DMD: variants seen among roughly 807,000 people sequenced by gnomAD.
The protein encoded by DMD is mutant dystrophin.
A neutral mutation model predicts 330.1 loss-of-function variants in DMD; 63 were observed. That is an observed-to-expected ratio of 0.19 (90% CI 0.16 to 0.24). The LOEUF is 0.24. DMD is among the 10% of genes least tolerant of loss of function. The pLI, the probability that DMD is intolerant of heterozygous loss-of-function variation, is 1.00. For missense variants in DMD, 3,344 were observed against 2,684.1 expected, an observed-to-expected ratio of 1.25 and a Z score of -5.43; for synonymous variants, 1,223 against 959.8, an observed-to-expected ratio of 1.27 and a Z score of -5.07.
chrX:32,584,967 A>T (rs1368555986), intron 13 of DMD, among the ~76,000 whole-genome samples: 1 of 111,990 alleles, frequency 8.9e-6, no homozygotes, highest in Non-Finnish European at 1.9e-5. Context: ...ATCAACAGAT[A>T]AACAGATAAC....
chrX:31,176,384 A>G (rs2040501690), intron 71 of DMD, among the ~76,000 whole-genome samples: 1 of 111,875 alleles, frequency 8.9e-6, no homozygotes, highest in Admixed American at 9.5e-5. Flanking sequence ...TCTACTTAAA[A>G]TAAGTTAATC....
intron 7 of DMD, among the ~76,000 whole-genome samples, chrX:32,731,165 A>C (rs557057651): frequency 2.7e-5 from 3 of 112,169 alleles, no homozygotes; most frequent in Non-Finnish European, 5.6e-5. Context: ...GCACCTGGAA[A>C]ATCGGGTCAC....
intron 11 of DMD, among the ~76,000 whole-genome samples, chrX:32,629,408 A>G (rs1602314069): frequency 9.0e-6 from 1 of 111,216 alleles, no homozygotes; most frequent in African/African-American, 3.3e-5. Context: ...CTTTATCTTT[A>G]TTGGTCAAGT....
intron 54 of DMD, among the ~76,000 whole-genome samples, chrX:31,628,942 A>ATATG (rs1556765554): frequency 1.9e-5 from 2 of 104,117 alleles, no homozygotes; most frequent in East Asian, 6.1e-4. Context: ...ATATATATAT[A>ATATG]AAATGCATGT....
At chrX:33,186,851 T>G (rs2050285676) in intron 1 of DMD, among the ~76,000 whole-genome samples, 1 of 111,525 alleles carries the variant, frequency 9.0e-6, no homozygotes, top group East Asian at 2.8e-4. Context: ...ATAATGCCAA[T>G]TAAATGTTTT....
chrX:31,509,301 T>A (rs2071254504), intron 55 of DMD, among the ~76,000 whole-genome samples: 1 of 111,973 alleles, frequency 8.9e-6, no homozygotes, highest in Non-Finnish European at 1.9e-5. Context: ...AATTTGCACT[T>A]CTTCAGCAAA....
chrX:32,513,646 G>C (rs969318849), intron 18 of DMD, among the ~76,000 whole-genome samples: 27 of 111,581 alleles, frequency 2.4e-4, no homozygotes, highest in African/African-American at 8.8e-4. Context: ...AAGGAGGTCT[G>C]GGGAAATAAT....
chrX:31,705,312 C>T (rs1603449755), intron 52 of DMD, among the ~76,000 whole-genome samples: 1 of 112,818 alleles, frequency 8.9e-6, no homozygotes, highest in Non-Finnish European at 1.9e-5. Flanking sequence ...AGGACTTTGC[C>T]CAAGTTCTTC....
chrX:32,792,444 G>A (rs998235763), intron 7 of DMD, among the ~76,000 whole-genome samples: 1 of 111,708 alleles, frequency 9.0e-6, no homozygotes, highest in African/African-American at 3.3e-5. Context: ...TCAATAAAAT[G>A]AAAGAAATAA....
At chrX:32,703,526 A>G (rs1404347100) in intron 7 of DMD, among the ~76,000 whole-genome samples, 3 of 111,827 alleles carry the variant, frequency 2.7e-5, no homozygotes, top group Non-Finnish European at 5.6e-5. Flanking sequence ...GTGCTATAGA[A>G]TATACTTAGA....
intron 1 of DMD, among the ~76,000 whole-genome samples, chrX:33,190,106 G>A (rs1413298884): frequency 9.0e-6 from 1 of 111,192 alleles, no homozygotes; most frequent in East Asian, 2.8e-4. Flanking sequence ...ACTACTTCCT[G>A]TTCTGTTTGT....
intron 44 of DMD, among the ~76,000 whole-genome samples, chrX:31,988,330 C>G (rs1026097904): frequency 2.8e-5 from 3 of 107,279 alleles, no homozygotes; most frequent in Non-Finnish European, 5.8e-5. Flanking sequence ...AAAAATTACC[C>G]GGACGTGGTG....
intron 9 of DMD, among the ~76,000 whole-genome samples, chrX:32,646,077 G>A (rs376417631): frequency 1.8e-5 from 2 of 111,651 alleles, no homozygotes; most frequent in Admixed American, 9.5e-5. Flanking sequence ...AGCGCTCTGC[G>A]TGGCTCTAAC....
At chrX:32,874,726 C>A (rs180852703) in intron 2 of DMD, among the ~76,000 whole-genome samples, 471 of 111,800 alleles carry the variant, frequency 4.2e-3, no homozygotes, top group African/African-American at 0.014. Flanking sequence ...AAGATTAGAT[C>A]ATTATTAGTA....
chrX:33,227,531 G>A (rs933782510), intron 1 of DMD, among the ~76,000 whole-genome samples: 1 of 110,633 alleles, frequency 9.0e-6, no homozygotes, highest in African/African-American at 3.3e-5. Flanking sequence ...CATATTTTTC[G>A]AGCACGTGAT....
intron 11 of DMD, among the ~76,000 whole-genome samples, chrX:32,616,195 T>G (rs1156636375): frequency 9.0e-6 from 1 of 111,262 alleles, no homozygotes; most frequent in Non-Finnish European, 1.9e-5. Context: ...TGTGACCACC[T>G]GGCTAAAGTA....
chrX:31,573,955 T>C (rs1435697091), intron 55 of DMD, among the ~76,000 whole-genome samples: 5 of 110,856 alleles, frequency 4.5e-5, no homozygotes, highest in Non-Finnish European at 7.6e-5. Context: ...CATTTAATCT[T>C]CACAATATTA....
At position 32,463,577 on chromosome X, in the gene DMD, A is replaced by G; in HGVS notation, c.3294T>C (p.Ile1098=). The G allele has an allele frequency of 8.6e-7, 1 of 1,161,012 alleles. No homozygotes were observed. ...TGTTTAGACTGGGCTGAATTGTCTG[A>G]ATATCACTGACTAAAAGCTAAGAAA... The part of the protein sequence containing the change: ...LKQCRLLVSD[I]QTIQPSLNSV... Residue 1098 remains isoleucine (I), a synonymous_variant, in exon 25 of 79, where the codon ATT becomes ATC. Transcript: ENST00000357033.
At chrX:31,900,994 G>A (rs2094414499) in intron 47 of DMD, among the ~76,000 whole-genome samples, 2 of 111,625 alleles carry the variant, frequency 1.8e-5, no homozygotes, top group African/African-American at 6.5e-5. Context: ...GAAAGGTTAC[G>A]CTACCCATGC....
Sources: gnomAD v4.1 joint callset for allele counts (sites outside exome capture counted in the v4.1 genomes callset) on GRCh38, gnomAD v4.1.1 for gene constraint, MANE v1.5 for transcripts, NCBI Gene and HGNC (gene_info 2026-07-23, HGNC 2026-07-21) for gene names.